HMG20A: variants seen among roughly 807,000 people sequenced by gnomAD.
HMG20A encodes high mobility group protein 20A.
A neutral mutation model predicts 43.9 loss-of-function variants in HMG20A; 17 were observed. The observed-to-expected ratio is 0.39, with a 90% confidence interval of 0.27 to 0.58. The LOEUF (loss-of-function observed/expected upper bound fraction) is 0.58. HMG20A is among the 20% of genes least tolerant of loss of function. The probability of loss-of-function intolerance (pLI) is 0.59; values close to 1 mark genes in which losing one functional copy is unlikely to be tolerated. For synonymous variants in HMG20A, 132 were observed against 147.5 expected (o/e 0.89, Z 0.76); for missense variants, 341 against 438.2 (o/e 0.78, Z 1.98).
intron 1 of HMG20A, among the ~76,000 whole-genome samples, chr15:77,443,373 G>GATTATT (rs1491395709): frequency 0.014 from 1,698 of 122,114 alleles, 13 homozygotes; most frequent in Admixed American, 0.022. Context: ...TGATGATGAT[G>GATTATT]ATGATGATTA....
At chr15:77,515,799 G>A in the HMG20A span, among the ~76,000 whole-genome samples, 1 of 152,214 alleles carries the variant, frequency 6.6e-6, no homozygotes, top group Non-Finnish European at 1.5e-5. Flanking sequence ...GGTTTGAGAA[G>A]GAATGTGGCT....
intron 1 of HMG20A, among the ~76,000 whole-genome samples, chr15:77,422,868 GAAGT>G (rs2073385718): frequency 1.3e-5 from 2 of 152,052 alleles, no homozygotes; most frequent in South Asian, 4.1e-4. Flanking sequence ...TAGACTGCCC[GAAGT>G]AAGAATTAAT....
chr15:77,434,183 A>T (rs1476896140), intron 1 of HMG20A, among the ~76,000 whole-genome samples: 1 of 152,184 alleles, frequency 6.6e-6, no homozygotes, highest in Non-Finnish European at 1.5e-5. Context: ...CAGGGAATGA[A>T]TCTTGAACCC....
intron 1 of HMG20A, among the ~76,000 whole-genome samples, chr15:77,431,514 T>G (rs994492249): frequency 6.6e-5 from 10 of 151,792 alleles, no homozygotes; most frequent in Admixed American, 2.6e-4. Flanking sequence ...GCCCAGCTGG[T>G]TTTTTTTGTT....
intron 4 of HMG20A, among the ~76,000 whole-genome samples, 184 bp downstream of exon 4, chr15:77,467,491 G>A (rs1222147474): frequency 6.6e-6 from 1 of 152,158 alleles, no homozygotes; most frequent in Non-Finnish European, 1.5e-5. Context: ...CTATTTGCTA[G>A]AGGGGTGTGA....
chr15:77,477,132 A>G (rs887815370), intron 6 of HMG20A, among the ~76,000 whole-genome samples: 14 of 152,210 alleles, frequency 9.2e-5, no homozygotes, highest in Non-Finnish European at 1.9e-4. Flanking sequence ...GCAAATTTAT[A>G]TTGCATAATC....
At chr15:77,440,946 G>A (rs886966969) in intron 1 of HMG20A, among the ~76,000 whole-genome samples, 1 of 152,286 alleles carries the variant, frequency 6.6e-6, no homozygotes, top group South Asian at 2.1e-4. Flanking sequence ...TACGGCAGAT[G>A]TGTGGATTAA....
intron 1 of HMG20A, among the ~76,000 whole-genome samples, chr15:77,424,639 G>A (rs1435109759): frequency 5.3e-5 from 8 of 152,166 alleles, no homozygotes; most frequent in Admixed American, 3.3e-4. Flanking sequence ...CCCACAGTAT[G>A]GGATGCAGTG....
chr15:77,488,842 C>T (rs1246368953), downstream of HMG20A, among the ~76,000 whole-genome samples: 2 of 152,186 alleles, frequency 1.3e-5, no homozygotes, highest in Non-Finnish European at 2.9e-5. Flanking sequence ...GAAACTTACA[C>T]TTCAGATACA....
intron 2 of HMG20A, among the ~76,000 whole-genome samples, chr15:77,461,409 C>T (rs1024439634): frequency 1.3e-5 from 2 of 152,002 alleles, no homozygotes; most frequent in African/African-American, 2.4e-5. Context: ...TAATATCATA[C>T]GTATATGCTG....
intron 6 of HMG20A, among the ~76,000 whole-genome samples, chr15:77,474,080 G>A (rs577392965): frequency 1.3e-5 from 2 of 152,232 alleles, no homozygotes; most frequent in African/African-American, 2.4e-5. Context: ...TAACTTCTTA[G>A]TATAATAGAA....
chr15:77,470,355 T>C (rs1384650025), intron 4 of HMG20A, among the ~76,000 whole-genome samples: 1 of 152,178 alleles, frequency 6.6e-6, no homozygotes, highest in Admixed American at 6.5e-5. Flanking sequence ...CTCAGAGTAG[T>C]CCATTTTTAG....
the HMG20A span, among the ~76,000 whole-genome samples, chr15:77,515,090 G>T: frequency 6.6e-6 from 1 of 152,298 alleles, no homozygotes; most frequent in South Asian, 2.1e-4. Flanking sequence ...CTTGGTCATG[G>T]TTGGGTTGAG....
intron 1 of HMG20A, 28 bp from the exon 2 acceptor site, chr15:77,458,376 A>AT (rs535506755): frequency 1.7e-4 from 246 of 1,457,076 alleles, no homozygotes; most frequent in Non-Finnish European, 2.1e-4. Context: ...TAAGCCATTA[A>AT]TTTTTTTTTA....
chr15:77,457,127 G>A (rs1261751496), intron 1 of HMG20A, among the ~76,000 whole-genome samples: 1 of 152,184 alleles, frequency 6.6e-6, no homozygotes, highest in Non-Finnish European at 1.5e-5. Flanking sequence ...TTAGAAGTGA[G>A]AATAAGTAAG....
intron 1 of HMG20A, among the ~76,000 whole-genome samples, chr15:77,451,425 G>C (rs2072601103): frequency 1.3e-5 from 2 of 152,218 alleles, no homozygotes; most frequent in Admixed American, 1.3e-4. Flanking sequence ...TCAGCACTTA[G>C]TGGTGTCAGT....
the HMG20A span, among the ~76,000 whole-genome samples, chr15:77,496,438 T>A: frequency 6.6e-6 from 1 of 152,176 alleles, no homozygotes; most frequent in Non-Finnish European, 1.5e-5. Flanking sequence ...TCTGCCCTCC[T>A]CCATCCAGTT....
intron 1 of HMG20A, among the ~76,000 whole-genome samples, chr15:77,426,663 A>C (rs1305164639): frequency 1.3e-5 from 2 of 151,970 alleles, no homozygotes; most frequent in Non-Finnish European, 1.5e-5. Context: ...TCAACTGTAC[A>C]AAAAAAATCC....
chr15:77,426,075 T>C (rs1422036846), intron 1 of HMG20A, among the ~76,000 whole-genome samples: 2 of 152,186 alleles, frequency 1.3e-5, no homozygotes, highest in Non-Finnish European at 1.5e-5. Context: ...GCAAAACTAA[T>C]AGAGACAGAA....
Sources: allele counts gnomAD v4.1 joint callset (sites outside exome capture counted in the v4.1 genomes callset), GRCh38; gene constraint gnomAD v4.1.1; transcripts MANE v1.5; gene names NCBI Gene and HGNC (gene_info 2026-07-23, HGNC 2026-07-21).